TBC1D15: variants seen among roughly 807,000 people sequenced by gnomAD.
TBC1D15 encodes TBC1 domain family member 15, also known as GAP for RAB7.
Under a neutral mutation model 95.4 loss-of-function variants are expected in TBC1D15, and 39 were observed. That is an observed-to-expected ratio of 0.41 (90% CI 0.32 to 0.53). The LOEUF is 0.53. TBC1D15 is among the 20% of genes least tolerant of loss of function. The pLI is 0.29. For synonymous variants in TBC1D15, 258 were observed against 261.3 expected (o/e 0.99, Z 0.12); for missense variants, 733 against 794.3 (o/e 0.92, Z 0.93).
At chr12:71,863,246 C>T (rs377112574) in intron 1 of TBC1D15, among the ~76,000 whole-genome samples, 47 of 152,010 alleles carry the variant, frequency 3.1e-4, no homozygotes, top group South Asian at 1.5e-3. Context: ...GGTGTGGTGG[C>T]GGGCACCTGT....
Position 71,923,359 on chromosome 12 carries a change from T to A in TBC1D15, c.*155T>A. The A allele has an allele frequency of 1.6e-6, 1 of 631,752 alleles. No individual in the cohort carries two copies. The highest frequency in any genetic ancestry group is 2.6e-6 in the Non-Finnish European group (1 of 382,436). The allele number at this position is 631,752 out of a possible 1,614,324, so 39.1% of individuals were successfully genotyped here. A position where few individuals can be genotyped will look rare whatever the true frequency, so the allele number is the denominator to read the frequency against. ...CTTACATTAAAGCTTTACAAAGATT[T>A]AAACTAATTATTTTTGTAGTTACTT... On this transcript the variant is annotated 3_prime_UTR_variant, in exon 17 of 17. Coordinates refer to ENST00000485960, the MANE Select transcript of TBC1D15 (RefSeq NM_001146213.3).
At chr12:71,888,378 A>G (rs987059766) in intron 5 of TBC1D15, among the ~76,000 whole-genome samples, 3 of 151,674 alleles carry the variant, frequency 2.0e-5, no homozygotes, top group Non-Finnish European at 4.4e-5. Context: ...AGGCAGGAAT[A>G]TGGCTTGAAC....
chr12:71,852,380 A>G (rs937662119), intron 1 of TBC1D15, among the ~76,000 whole-genome samples: 1 of 152,196 alleles, frequency 6.6e-6, no homozygotes, highest in Non-Finnish European at 1.5e-5. Context: ...AATGCCTTCA[A>G]GGCCTTTTCC....
chr12:71,900,205 T>C (rs1363766466), intron 10 of TBC1D15, among the ~76,000 whole-genome samples: 1 of 152,080 alleles, frequency 6.6e-6, no homozygotes, highest in Non-Finnish European at 1.5e-5. Flanking sequence ...AAATGGAATG[T>C]CAAGTAGGTA....
chr12:71,917,940 T>G (rs1445293849), intron 13 of TBC1D15, 143 bp downstream of exon 13: 3 of 549,472 alleles, frequency 5.5e-6, no homozygotes, highest in South Asian at 2.8e-5. Flanking sequence ...GGAGGATTAC[T>G]TGCACCCAGG....
At chr12:71,896,133 G>T (rs567581599) in intron 8 of TBC1D15, 58 bp downstream of exon 8, 19 of 1,295,804 alleles carry the variant, frequency 1.5e-5, no homozygotes, top group South Asian at 7.3e-5. Flanking sequence ...TAGGGGTTTT[G>T]TTGTTATCGT....
intron 15 of TBC1D15, among the ~76,000 whole-genome samples, 185 bp from the exon 16 acceptor site, chr12:71,921,183 G>C (rs1052888804): frequency 6.6e-6 from 1 of 152,124 alleles, no homozygotes; most frequent in Non-Finnish European, 1.5e-5. Context: ...CTAGTCTTTA[G>C]CTTTAAAACT....
At chr12:71,903,879 G>T (rs1900039337) in intron 10 of TBC1D15, among the ~76,000 whole-genome samples, 1 of 152,142 alleles carries the variant, frequency 6.6e-6, no homozygotes, top group Non-Finnish European at 1.5e-5. Context: ...GGAGGGTGAG[G>T]ATTGAAAAAC....
intron 11 of TBC1D15, among the ~76,000 whole-genome samples, chr12:71,912,862 T>A (rs1425316625): frequency 1.3e-5 from 2 of 152,078 alleles, no homozygotes; most frequent in Non-Finnish European, 2.9e-5. Context: ...GTAAAAAGGC[T>A]TAGTATAAGT....
intron 1 of TBC1D15, among the ~76,000 whole-genome samples, chr12:71,865,514 G>A (rs1366851544): frequency 6.6e-6 from 1 of 152,148 alleles, no homozygotes; most frequent in Non-Finnish European, 1.5e-5. Context: ...GCAGTATCCA[G>A]ACTCTGTGAG....
rs1870148545 is a variant in TBC1D15 at position 71,923,299 on chromosome 12, CTT to C, written c.*97_*98del. ...ATTTGAAATCTTGGTATTGATCATG[CTT>C]TAAGGTTTATGTAAAGAAAGTGTAC... On this transcript the variant is annotated 3_prime_UTR_variant, in exon 17 of 17. Coordinates refer to ENST00000485960, the MANE Select transcript of TBC1D15 (RefSeq NM_001146213.3). 6 of 1,130,084 alleles carry C rather than the reference CTT, an allele frequency of 5.3e-6. No individual in the cohort carries two copies. Among genetic ancestry groups the C allele is most frequent in the Non-Finnish European group, 7.8e-6 (6 of 772,992 alleles). 70.0% of individuals were successfully genotyped at this position (1,130,084 alleles called of 1,614,324 possible). A position where few individuals can be genotyped will look rare whatever the true frequency, so the allele number is the denominator to read the frequency against.
chr12:71,841,605 C>T (rs375346316), intron 1 of TBC1D15, among the ~76,000 whole-genome samples: 2 of 152,150 alleles, frequency 1.3e-5, no homozygotes, highest in African/African-American at 4.8e-5. Context: ...AATCAATAAC[C>T]ATGTCCTACC....
At chr12:71,884,771 G>A (rs771771860) in intron 4 of TBC1D15, 40 bp from the exon 5 acceptor site, 2 of 1,602,468 alleles carry the variant, frequency 1.2e-6, no homozygotes, top group African/African-American at 1.3e-5. Flanking sequence ...CTTTTAAAAA[G>A]GTGAACAAAA....
intron 1 of TBC1D15, chr12:71,854,506 C>A: frequency 2.2e-6 from 1 of 451,442 alleles, no homozygotes; most frequent in South Asian, 1.6e-5. Context: ...AAGATTTTAC[C>A]ATTTCCTTCT....
chr12:71,859,095 A>AT (rs1041227877), intron 1 of TBC1D15, among the ~76,000 whole-genome samples: 6 of 150,612 alleles, frequency 4.0e-5, no homozygotes, highest in African/African-American at 1.5e-4. Context: ...GATGTTGAAC[A>AT]TTTTTTTCAT....
At chr12:71,909,906 G>A (rs369142493) in intron 11 of TBC1D15, among the ~76,000 whole-genome samples, 1 of 152,048 alleles carries the variant, frequency 6.6e-6, no homozygotes, top group East Asian at 1.9e-4. Flanking sequence ...AAAGGAATTT[G>A]TACATTAATT....
intron 1 of TBC1D15, among the ~76,000 whole-genome samples, chr12:71,855,975 A>C (rs773985875): frequency 6.6e-6 from 1 of 151,512 alleles, no homozygotes; most frequent in Non-Finnish European, 1.5e-5. Context: ...ATTTCAATTT[A>C]AATTCATTTA....
intron 7 of TBC1D15, among the ~76,000 whole-genome samples, 169 bp from the exon 8 acceptor site, chr12:71,895,778 C>G (rs1163008565): frequency 6.6e-6 from 1 of 152,036 alleles, no homozygotes; most frequent in Non-Finnish European, 1.5e-5. Context: ...AAGGGAAATA[C>G]ATGTAATGCT....
At chr12:71,840,836 G>T (rs1189603585) in intron 1 of TBC1D15, among the ~76,000 whole-genome samples, 2 of 152,102 alleles carry the variant, frequency 1.3e-5, no homozygotes. Context: ...ATATGGGCTT[G>T]GTTTTGCTGT....
Sources: gnomAD v4.1 joint callset for allele counts (sites outside exome capture counted in the v4.1 genomes callset) on GRCh38, gnomAD v4.1.1 for gene constraint, MANE v1.5 for transcripts, NCBI Gene and HGNC (gene_info 2026-07-23, HGNC 2026-07-21) for gene names.